The following PRH1 variants were observed in gnomAD, a reference collection of about 807,000 sequenced individuals.
PRH1 encodes the protein proline rich protein HaeIII subfamily 1.
In PRH1, 7 loss-of-function variants were observed where a neutral mutation model predicts 7.9. The observed-to-expected ratio is 0.89, with a 90% CI of 0.50 to 1.67. The LOEUF is 1.67. Among genes scored for constraint, PRH1 ranks in the 40% most tolerant of loss-of-function variants. PRH1 has a pLI of 0.00. For missense variants in PRH1, 109 were observed against 223.6 expected (o/e 0.49, Z 3.27); for synonymous variants, 45 against 80.8 (o/e 0.56, Z 2.38).
intron 1 of PRH1, among the ~76,000 whole-genome samples, chr12:10,985,198 C>T (rs906617427): frequency 2.6e-5 from 4 of 152,010 alleles, no homozygotes; most frequent in African/African-American, 4.8e-5. Flanking sequence ...TAAGTCATCA[C>T]GGTGTTTCTT....
At chr12:10,992,404 G>T (rs759113630) in intron 1 of PRH1, among the ~76,000 whole-genome samples, 1 of 151,102 alleles carries the variant, frequency 6.6e-6, no homozygotes, top group Admixed American at 6.6e-5. Context: ...TCGGTTGTTC[G>T]TTTTTTTTTG....
At chr12:10,958,333 T>C (rs932089321) in intron 2 of PRH1, among the ~76,000 whole-genome samples, 1 of 152,024 alleles carries the variant, frequency 6.6e-6, no homozygotes, top group African/African-American at 2.4e-5. Context: ...ATGTTCTCAC[T>C]TATAAGTGGG....
At chr12:10,931,864 C>T (rs1349689309) in intron 2 of PRH1, among the ~76,000 whole-genome samples, 6 of 151,538 alleles carry the variant, frequency 4.0e-5, no homozygotes, top group South Asian at 2.1e-4. Flanking sequence ...TTGGTTTTTC[C>T]ATAATTTACT....
intron 1 of PRH1, among the ~76,000 whole-genome samples, chr12:11,089,924 A>C (rs567536908): frequency 1.7e-5 from 2 of 115,568 alleles, no homozygotes; most frequent in African/African-American, 5.8e-5. Flanking sequence ...TTTTCCTTAG[A>C]GGAAGGATTC....
chr12:11,098,921 G>A (rs1025248203), intron 1 of PRH1, among the ~76,000 whole-genome samples: 2 of 152,150 alleles, frequency 1.3e-5, no homozygotes, highest in Non-Finnish European at 2.9e-5. Context: ...TTGTCCAGAT[G>A]AAATTAGCCC....
chr12:10,944,147 T>A (rs1950447926), intron 2 of PRH1, among the ~76,000 whole-genome samples: 1 of 152,240 alleles, frequency 6.6e-6, no homozygotes, highest in Non-Finnish European at 1.5e-5. Flanking sequence ...GGAATAACAT[T>A]GAATCTGTAC....
upstream of PRH1, among the ~76,000 whole-genome samples, chr12:11,050,465 C>A (rs1019252533): frequency 3.3e-5 from 5 of 152,120 alleles, no homozygotes; most frequent in East Asian, 1.9e-4. Context: ...TTCTGGTAAA[C>A]TCACAACCTT....
At chr12:11,146,886 C>G (rs555708316) in intron 1 of PRH1, among the ~76,000 whole-genome samples, 32 of 152,188 alleles carry the variant, frequency 2.1e-4, no homozygotes, top group African/African-American at 7.7e-4. Context: ...AGTAAATTAC[C>G]TAAATATATT....
intron 2 of PRH1, chr12:10,938,518 A>G (rs1950330480): frequency 6.2e-7 from 1 of 1,614,078 alleles, no homozygotes; most frequent in Non-Finnish European, 8.5e-7. Flanking sequence ...TCACACTTTT[A>G]ACTCCTCTGT....
chr12:11,026,458 C>T (rs1333947344), intron 1 of PRH1, among the ~76,000 whole-genome samples: 2 of 103,730 alleles, frequency 1.9e-5, no homozygotes, highest in African/African-American at 6.9e-5. Flanking sequence ...GTATGGCAGC[C>T]GGCAGGACTC....
At chr12:10,969,508 T>G (rs760811459) in intron 2 of PRH1, among the ~76,000 whole-genome samples, 2 of 152,204 alleles carry the variant, frequency 1.3e-5, no homozygotes, top group Non-Finnish European at 2.9e-5. Flanking sequence ...CTTCACATAG[T>G]ATTTCATCAA....
At chr12:10,892,659 G>T (rs571948574) in intron 2 of PRH1, among the ~76,000 whole-genome samples, 24 of 152,244 alleles carry the variant, frequency 1.6e-4, no homozygotes, top group African/African-American at 5.5e-4. Flanking sequence ...ATCTAAAATT[G>T]TTATGGAGGT....
At chr12:10,935,199 G>T (rs1010222935) in intron 2 of PRH1, among the ~76,000 whole-genome samples, 2 of 152,040 alleles carry the variant, frequency 1.3e-5, no homozygotes, top group African/African-American at 4.8e-5. Flanking sequence ...AACCTTATAG[G>T]ATTATTGTCC....
At chr12:10,993,227 G>C (rs10772405) in intron 1 of PRH1, among the ~76,000 whole-genome samples, 46,288 of 152,022 alleles carry the variant, frequency 0.3, 8,894 homozygotes, top group East Asian at 0.74. Context: ...AATCTACATC[G>C]ATTGGGAGAG....
chr12:11,141,562 T>G (rs551116665), intron 1 of PRH1, among the ~76,000 whole-genome samples: 5 of 152,292 alleles, frequency 3.3e-5, no homozygotes, highest in African/African-American at 1.2e-4. Context: ...ATAGGTATGC[T>G]CCAGACAGAC....
chr12:10,905,499 C>T (rs959769334), intron 2 of PRH1, among the ~76,000 whole-genome samples: 9 of 152,024 alleles, frequency 5.9e-5, no homozygotes, highest in South Asian at 2.1e-4. Context: ...AACTCTGTCT[C>T]TACTAAAAAT....
At chr12:11,154,841 G>A (rs936396582) in intron 1 of PRH1, among the ~76,000 whole-genome samples, 5 of 152,176 alleles carry the variant, frequency 3.3e-5, no homozygotes, top group Non-Finnish European at 7.4e-5. Context: ...TCCCTCTGGT[G>A]CTTCAGGAAA....
chr12:11,064,903 A>G (rs1287475558), intron 1 of PRH1, among the ~76,000 whole-genome samples: 4 of 152,056 alleles, frequency 2.6e-5, no homozygotes, highest in African/African-American at 7.2e-5. Flanking sequence ...ACAATAAATG[A>G]AAAAGCCAGG....
intron 1 of PRH1, among the ~76,000 whole-genome samples, chr12:11,055,055 T>A: frequency 1.8e-3 from 1 of 548 alleles, no homozygotes; most frequent in Non-Finnish European, 0.12. Context: ...GCCTGGCTTA[T>A]TTTTTGTATT....
Sources: gnomAD v4.1 joint callset for allele counts (sites outside exome capture counted in the v4.1 genomes callset) on GRCh38, gnomAD v4.1.1 for gene constraint, MANE v1.5 for transcripts, NCBI Gene and HGNC (gene_info 2026-07-23, HGNC 2026-07-21) for gene names.